Variants in PRCC observed in about 807,000 individuals in gnomAD.
The protein encoded by PRCC is proline rich mitotic checkpoint control factor.
PRCC carries 10 observed loss-of-function variants against 44.0 expected under a neutral mutation model. That is an observed-to-expected ratio of 0.23 (90% CI 0.14 to 0.39). PRCC has a LOEUF of 0.39. Ranked by LOEUF, PRCC falls within the 10% of genes least tolerant of loss-of-function variation. PRCC has a pLI of 1.00. For missense variants in PRCC, 573 were observed against 624.7 expected, an observed-to-expected ratio of 0.92 and a Z score of 0.88; for synonymous variants, 278 against 259.5, an observed-to-expected ratio of 1.07 and a Z score of -0.69.
At chr1:156,788,826 T>A (rs1317061357) in intron 3 of PRCC, among the ~76,000 whole-genome samples, 1 of 151,912 alleles carries the variant, frequency 6.6e-6, no homozygotes, top group African/African-American at 2.4e-5. Context: ...CATGACCCGC[T>A]AATTTCTTTT....
chr1:156,789,764 C>T (rs997849028), intron 3 of PRCC, among the ~76,000 whole-genome samples: 2 of 152,154 alleles, frequency 1.3e-5, no homozygotes, highest in Non-Finnish European at 2.9e-5. Flanking sequence ...CAACTCAAAG[C>T]GTTGCTAAAA....
Position 156,767,894 on chromosome 1 carries a change from T to C in PRCC, c.123T>C (p.Ser41=). 1.9e-6 allele frequency: 3 copies of C among 1,604,278 alleles called. No homozygotes were observed. The highest frequency in any genetic ancestry group is 2.6e-6 in the Non-Finnish European group (3 of 1,176,276). ...SGPALGGLFA[S]LPAPKGPALL... ...CCGCTTTAGGGGGCTTGTTCGCTTC[T>C]CTCCCTGCGCCCAAGGGTCCGGCCT... The change falls in exon 1 of 7, where the codon TCT becomes TCC. Residue 41 remains serine, a synonymous_variant. Coordinates refer to ENST00000271526, the MANE Select transcript of PRCC (RefSeq NM_005973.5).
intron 4 of PRCC, 61 bp downstream of exon 4, chr1:156,791,853 A>C (rs1490175982): frequency 1.4e-6 from 2 of 1,468,730 alleles, no homozygotes; most frequent in East Asian, 4.6e-5. Flanking sequence ...TCAAATCTGA[A>C]GCCAAAGGAA....
intron 1 of PRCC, among the ~76,000 whole-genome samples, chr1:156,772,710 A>G (rs140529119): frequency 2.9e-4 from 44 of 152,358 alleles, no homozygotes; most frequent in African/African-American, 1.0e-3. Flanking sequence ...GACAGATTTC[A>G]CTAATTTTTG....
chr1:156,798,029 C>G (rs942501297), intron 6 of PRCC, among the ~76,000 whole-genome samples: 21 of 150,292 alleles, frequency 1.4e-4, no homozygotes, highest in Non-Finnish European at 1.5e-5. Flanking sequence ...CTGCAGCTGC[C>G]GTCTCCTGGG....
chr1:156,794,528 G>A (rs1488974941), intron 4 of PRCC, 137 bp from the exon 5 acceptor site: 1 of 1,020,206 alleles, frequency 9.8e-7, no homozygotes, highest in Non-Finnish European at 1.4e-6. Flanking sequence ...GTAGATGGCA[G>A]GGTGAAAGGA....
intron 5 of PRCC, chr1:156,796,127 C>A (rs1307530356): frequency 6.6e-6 from 1 of 152,258 alleles, no homozygotes; most frequent in Non-Finnish European, 1.5e-5. Context: ...GCTCTACCAA[C>A]TGTGGGTCGA....
intron 5 of PRCC, 69 bp downstream of exon 5, chr1:156,794,877 G>T: frequency 6.3e-7 from 1 of 1,583,640 alleles, no homozygotes; most frequent in Non-Finnish European, 8.6e-7. Context: ...CTTACTCCCC[G>T]TCTTGACCCC....
chr1:156,787,012 A>G lies in PRCC; in HGVS notation c.921A>G (p.Glu307=). The part of the protein sequence containing the change: ...TVPEELPPGT[E]PEPAFQDDAA... ...CTGAAGAGCTGCCTCCAGGCACGGA[A>G]CCAGAGCCGGCTTTCCAGGACGATG... is the stretch of plus-strand genomic sequence containing the variant. The change falls in exon 3 of 7, where the codon GAA becomes GAG. Residue 307 remains glutamate (E), a synonymous_variant. Transcript: ENST00000271526. The G allele has an allele frequency of 6.2e-7, 1 of 1,614,226 alleles. No individual in the cohort carries two copies. The highest frequency in any genetic ancestry group is 8.5e-7 in the Non-Finnish European group (1 of 1,180,028).
chr1:156,770,785 T>G (rs1278185753), intron 1 of PRCC, among the ~76,000 whole-genome samples: 1 of 152,248 alleles, frequency 6.6e-6, no homozygotes, highest in Non-Finnish European at 1.5e-5. Context: ...TGAATTAGGT[T>G]TCCTTAAGTA....
intron 2 of PRCC, 87 bp from the exon 3 acceptor site, chr1:156,786,521 T>C (rs1418692512): frequency 4.4e-6 from 6 of 1,359,136 alleles, no homozygotes; most frequent in South Asian, 4.1e-5. Context: ...AGAGAACTTA[T>C]CTGTAACTGT....
At chr1:156,778,743 C>T (rs1036403753) in intron 1 of PRCC, among the ~76,000 whole-genome samples, 17 of 151,740 alleles carry the variant, frequency 1.1e-4, no homozygotes, top group African/African-American at 4.1e-4. Context: ...CCACCACACT[C>T]AGCTAATTTT....
At chr1:156,791,872 AAC>A (rs1404675595) in intron 4 of PRCC, 80 bp downstream of exon 4, 209 of 1,309,620 alleles carry the variant, frequency 1.6e-4, no homozygotes, top group Middle Eastern at 1.9e-4. Context: ...AAATTAAAAA[AAC>A]ACACACACAC....
Position 156,767,617 on chromosome 1 carries a change from A to T in PRCC, c.-155A>T. ...TGTTCGGTGGAAATCAGCCGTAGCCATGAGTTTCTGCCGGGGCTAGCCCTA... is the reference window on the plus strand; with the variant it reads ...TGTTCGGTGGAAATCAGCCGTAGCCTTGAGTTTCTGCCGGGGCTAGCCCTA... On this transcript the variant is annotated 5_prime_UTR_variant, in exon 1 of 7. The change abolishes an upstream ATG in the 5' untranslated region. Transcript: ENST00000271526. 1 of 708,162 alleles carries T rather than the reference A, an allele frequency of 1.4e-6. No homozygotes were observed. Among genetic ancestry groups the T allele is most frequent in the Non-Finnish European group, 2.3e-6 (1 of 432,546 alleles). The allele number at this position is 708,162 out of a possible 1,614,324, so 43.9% of individuals were successfully genotyped here. A position where few individuals can be genotyped will look rare whatever the true frequency, so the allele number is the denominator to read the frequency against.
rs973481085 is a variant in PRCC at position 156,784,461 on chromosome 1, G to C, written c.516+2132G>C. 3.3e-5 allele frequency among the ~76,000 whole-genome samples: 5 copies of C among 152,340 alleles called. No homozygotes were observed. In the East Asian group the frequency reaches 9.6e-4, roughly 29 times the overall value. On this transcript the variant is annotated intron_variant, in intron 2 of 6. Transcript: ENST00000271526. The stretch of plus-strand genomic sequence containing the variant: ...AGAGGAATTCTGAGCTCTTAAGGCA[G>C]AGTGGGGACTTAGGACTGCAAAATG...
chr1:156,785,555 C>T (rs1196091274), intron 2 of PRCC, among the ~76,000 whole-genome samples: 1 of 151,112 alleles, frequency 6.6e-6, no homozygotes, highest in Non-Finnish European at 1.5e-5. Flanking sequence ...AAGGGAGCTG[C>T]CCCACCCAAG....
At chr1:156,798,144 T>G (rs1652724199) in intron 6 of PRCC, among the ~76,000 whole-genome samples, 1 of 152,216 alleles carries the variant, frequency 6.6e-6, no homozygotes, top group Non-Finnish European at 1.5e-5. Flanking sequence ...AGGATCTTCC[T>G]GTGTAGCCCA....
At chr1:156,789,497 T>G (rs1405201618) in intron 3 of PRCC, among the ~76,000 whole-genome samples, 1 of 152,108 alleles carries the variant, frequency 6.6e-6, no homozygotes, top group Non-Finnish European at 1.5e-5. Flanking sequence ...GATGTCTAGA[T>G]AGCAGTTAGT....
chr1:156,778,154 G>C (rs902822943), intron 1 of PRCC, among the ~76,000 whole-genome samples: 1 of 152,068 alleles, frequency 6.6e-6, no homozygotes, highest in Non-Finnish European at 1.5e-5. Context: ...AAAACCCTCA[G>C]ACGTATTCTT....
Sources: gnomAD v4.1 joint callset for allele counts (sites outside exome capture counted in the v4.1 genomes callset) on GRCh38, gnomAD v4.1.1 for gene constraint, MANE v1.5 for transcripts, NCBI Gene and HGNC (gene_info 2026-07-23, HGNC 2026-07-21) for gene names.